FNDC3A: variants seen among roughly 807,000 people sequenced by gnomAD.
FNDC3A encodes the protein fibronectin type-III domain-containing protein 3A.
Under a neutral mutation model 148.9 loss-of-function variants are expected in FNDC3A, and 32 were observed. The observed-to-expected ratio is 0.21, with a 90% CI of 0.16 to 0.29. The LOEUF (loss-of-function observed/expected upper bound fraction) is 0.29. Among genes scored for constraint, FNDC3A ranks in the 10% least tolerant of loss-of-function variants. FNDC3A has a pLI of 1.00. For missense variants in FNDC3A, 1,191 were observed against 1,452.8 expected (o/e 0.82, Z 2.93); for synonymous variants, 472 against 473.6 (o/e 1.00, Z 0.04).
At chr13:49,110,264 G>C in intron 3 of FNDC3A, 1 of 1,302,390 alleles carries the variant, frequency 7.7e-7, no homozygotes, top group Non-Finnish European at 1.0e-6. Context: ...ACTGTCACGT[G>C]ACTCGGTCAA....
chr13:49,179,769 A>G (rs1885214690), intron 14 of FNDC3A, among the ~76,000 whole-genome samples: 1 of 152,172 alleles, frequency 6.6e-6, no homozygotes, highest in African/African-American at 2.4e-5. Flanking sequence ...CATGTCTCTC[A>G]TTCTTTGAGC....
chr13:49,148,256 C>T (rs1883101688), intron 8 of FNDC3A, among the ~76,000 whole-genome samples: 1 of 152,002 alleles, frequency 6.6e-6, no homozygotes, highest in African/African-American at 2.4e-5. Flanking sequence ...GTTGCCTGTG[C>T]TTTGGGGGTC....
At chr13:49,135,998 A>G (rs1882333745) in intron 5 of FNDC3A, among the ~76,000 whole-genome samples, 1 of 152,176 alleles carries the variant, frequency 6.6e-6, no homozygotes. Context: ...AAGAAAAAGA[A>G]CTGTGGACTG....
intron 1 of FNDC3A, among the ~76,000 whole-genome samples, chr13:48,983,927 G>A (rs1951741608): frequency 6.6e-6 from 1 of 152,048 alleles, no homozygotes; most frequent in Non-Finnish European, 1.5e-5. Flanking sequence ...ATTATTTAGA[G>A]TTGATATGAC....
intron 3 of FNDC3A, among the ~76,000 whole-genome samples, chr13:49,079,812 CATTT>C (rs769748980): frequency 6.6e-6 from 1 of 152,156 alleles, no homozygotes; most frequent in Non-Finnish European, 1.5e-5. Context: ...GACTTTTCCA[CATTT>C]ATTTGTCTTC....
At chr13:49,135,146 C>G (rs1423611488) in intron 5 of FNDC3A, among the ~76,000 whole-genome samples, 2 of 151,976 alleles carry the variant, frequency 1.3e-5, no homozygotes, top group Admixed American at 1.3e-4. Flanking sequence ...TGAGCCACTG[C>G]GCCCAGCCCC....
intron 3 of FNDC3A, among the ~76,000 whole-genome samples, chr13:49,101,144 T>G (rs1441898487): frequency 6.6e-6 from 1 of 152,140 alleles, no homozygotes; most frequent in Non-Finnish European, 1.5e-5. Flanking sequence ...TTATAGTTTC[T>G]AATTCTTCAC....
rs368326403 is a variant in FNDC3A at position 49,028,255 on chromosome 13, A to C, written c.99+21966A>C. On this transcript the variant is annotated intron_variant, in intron 2 of 25. Transcript: ENST00000492622. ...CATGATTTAACTATGTGCACTCTAT[A>C]AGAGACACTCTTTATTTTTTAAGAG... 5.2e-3 allele frequency among the ~76,000 whole-genome samples: 795 copies of C among 152,032 alleles called. 6 individuals carry two copies. Among genetic ancestry groups the C allele is most frequent in the African/African-American group, 0.018 (759 of 41,480 alleles).
chr13:49,105,885 AT>A (rs542300452), intron 3 of FNDC3A, among the ~76,000 whole-genome samples: 2 of 152,142 alleles, frequency 1.3e-5, no homozygotes, highest in African/African-American at 4.8e-5. Context: ...AGTCAGATGA[AT>A]TTTTTTTAAT....
chr13:49,071,152 A>G (rs1877661444), intron 2 of FNDC3A, among the ~76,000 whole-genome samples: 1 of 142,774 alleles, frequency 7.0e-6, no homozygotes, highest in Non-Finnish European at 1.5e-5. Flanking sequence ...TTTCCACCTC[A>G]GCCTCCCAAA....
At chr13:49,197,023 T>C (rs2138124360) in intron 20 of FNDC3A, 33 bp downstream of exon 20, 1 of 1,248,550 alleles carries the variant, frequency 8.0e-7, no homozygotes, top group South Asian at 1.3e-5. Context: ...GTATCTACTT[T>C]CTTAAGTGAA....
intron 1 of FNDC3A, among the ~76,000 whole-genome samples, chr13:48,997,900 TAA>T (rs757898281): frequency 5.8e-5 from 8 of 139,090 alleles, no homozygotes; most frequent in Non-Finnish European, 4.7e-5. Flanking sequence ...GTGTGTGCAT[TAA>T]AAAAAAAAAA....
At chr13:49,077,761 A>T (rs1184293994) in intron 3 of FNDC3A, among the ~76,000 whole-genome samples, 1 of 152,222 alleles carries the variant, frequency 6.6e-6, no homozygotes, top group East Asian at 1.9e-4. Context: ...AAACCTGCAC[A>T]TTCTGCACAT....
chr13:49,055,673 A>G (rs1416054398), intron 2 of FNDC3A, among the ~76,000 whole-genome samples: 1 of 152,110 alleles, frequency 6.6e-6, no homozygotes, highest in Non-Finnish European at 1.5e-5. Context: ...TTTTAAATCT[A>G]CATATAACCT....
chr13:49,136,727 T>A (rs1252890161), intron 6 of FNDC3A, 126 bp downstream of exon 6: 8 of 898,016 alleles, frequency 8.9e-6, no homozygotes, highest in Non-Finnish European at 9.8e-6. Context: ...GCTGCTGCTT[T>A]CGACAGTTTG....
At chr13:49,078,877 A>C (rs957216198) in intron 3 of FNDC3A, among the ~76,000 whole-genome samples, 3 of 152,232 alleles carry the variant, frequency 2.0e-5, no homozygotes, top group Admixed American at 2.0e-4. Context: ...AACATAGATC[A>C]TTATAGCCCT....
At chr13:49,158,166 C>A (rs181326367) in intron 8 of FNDC3A, among the ~76,000 whole-genome samples, 6 of 152,260 alleles carry the variant, frequency 3.9e-5, no homozygotes, top group African/African-American at 1.4e-4. Flanking sequence ...TGCTAGCAAT[C>A]TGTGAGACTC....
At chr13:49,011,456 A>G (rs988235355) in intron 2 of FNDC3A, among the ~76,000 whole-genome samples, 1 of 151,776 alleles carries the variant, frequency 6.6e-6, no homozygotes, top group African/African-American at 2.4e-5. Context: ...CTGATCTCGA[A>G]CTCCTGACCT....
chr13:49,013,894 A>G (rs1317524400), intron 2 of FNDC3A, among the ~76,000 whole-genome samples: 1 of 151,506 alleles, frequency 6.6e-6, no homozygotes, highest in Admixed American at 6.6e-5. Context: ...GATGATTTCC[A>G]ATTTCATCCA....
Sources: gnomAD v4.1 joint callset for allele counts (sites outside exome capture counted in the v4.1 genomes callset) on GRCh38, gnomAD v4.1.1 for gene constraint, MANE v1.5 for transcripts, NCBI Gene and HGNC (gene_info 2026-07-23, HGNC 2026-07-21) for gene names.